GAREM2: variants seen among roughly 807,000 people sequenced by gnomAD.
The protein encoded by GAREM2 is GRB2 associated regulator of MAPK1 subtype 2.
A neutral mutation model predicts 55.6 loss-of-function variants in GAREM2; 30 were observed. That is an observed-to-expected ratio of 0.54 (90% CI 0.40 to 0.73). The LOEUF is 0.73. Ranked by LOEUF, GAREM2 falls within the 30% of genes least tolerant of loss-of-function variation. GAREM2 has a pLI of 0.00. For synonymous variants in GAREM2, 550 were observed against 569.1 expected, an observed-to-expected ratio of 0.97 and a Z score of 0.48; for missense variants, 1,075 against 1,257.7, an observed-to-expected ratio of 0.85 and a Z score of 2.20.
Position 26,187,260 on chromosome 2 carries a change from C to T in GAREM2, c.1628C>T (p.Pro543Leu). The T allele has an allele frequency of 3.4e-6, 5 of 1,454,278 alleles. No individual in the cohort carries two copies. The highest frequency in any genetic ancestry group is 1.5e-5 in the South Asian group (1 of 68,316). 90.1% of individuals were successfully genotyped at this position (1,454,278 alleles called of 1,614,324 possible). A position where few individuals can be genotyped will look rare whatever the true frequency, so the allele number is the denominator to read the frequency against. The change falls in exon 6 of 6, where the codon CCA becomes CTA. Residue 543 changes from proline (P) to leucine (L), a missense_variant. Physicochemically the swap from Pro to Leu is moderately conservative, Grantham distance 98 (BLOSUM62 -3). Transcript: ENST00000401533. Reference protein sequence around the residue: ...GAGSRSGSGSPSPDTYSLYCY... With the variant: ...GAGSRSGSGSLSPDTYSLYCY... ...GGTTCCCGCAGTGGCAGTGGCTCCC[C>T]ATCGCCGGACACCTACTCCCTCTAT...
At chr2:26,186,123 G>A in intron 4 of GAREM2, 66 bp from the exon 5 acceptor site, 1 of 1,414,184 alleles carries the variant, frequency 7.1e-7, no homozygotes, top group Non-Finnish European at 9.4e-7. Flanking sequence ...CAGCTGCTTG[G>A]GAAGGGGAAG....
rs1669247619 is a variant in GAREM2 at position 26,186,217 on chromosome 2, C to A, written c.1457C>A (p.Ala486Asp). 1 of 1,537,210 alleles carries A rather than the reference C, an allele frequency of 6.5e-7. No homozygotes were observed. The highest frequency in any genetic ancestry group is 2.5e-5 in the East Asian group (1 of 40,610). The change falls in exon 5 of 6, where the codon GCC becomes GAC. Residue 486 changes from alanine to aspartate, a missense_variant. By Grantham distance (126) the Ala-to-Asp change is moderately radical (BLOSUM62 -2). Coordinates refer to ENST00000401533, the MANE Select transcript of GAREM2 (RefSeq NM_001168241.2). ...AAGGAGGAGTGCCGCCTGCTCAATGCCCCTCCAGTGCCTCCCCGGGGTGGC... is the reference window on the plus strand; with the variant it reads ...AAGGAGGAGTGCCGCCTGCTCAATGACCCTCCAGTGCCTCCCCGGGGTGGC... ...AVKEECRLLN[A>D]PPVPPRGGNG... is the part of the protein sequence containing the mutation.
intron 1 of GAREM2, among the ~76,000 whole-genome samples, chr2:26,174,037 G>A (rs1471005298): frequency 6.6e-6 from 1 of 152,242 alleles, no homozygotes; most frequent in East Asian, 1.9e-4. Context: ...GACCGTTTGG[G>A]GGGAGGGGGG....
At chr2:26,195,595 T>TA in the GAREM2 span, among the ~76,000 whole-genome samples, 1 of 50,660 alleles carries the variant, frequency 2.0e-5, no homozygotes, top group Non-Finnish European at 4.3e-5. Flanking sequence ...CCAGTTTTTT[T>TA]GGGCGGGGGT....
chr2:26,191,624 A>C (rs1669507749), downstream of GAREM2: 1 of 1,613,992 alleles, frequency 6.2e-7, no homozygotes, highest in Non-Finnish European at 8.5e-7. Flanking sequence ...TCTTCGTCTG[A>C]TGAGCTGCCA....
At chr2:26,183,315 G>A (rs184203038) in intron 3 of GAREM2, among the ~76,000 whole-genome samples, 1 of 152,360 alleles carries the variant, frequency 6.6e-6, no homozygotes, top group African/African-American at 2.4e-5. Context: ...AAGCAGGAGC[G>A]GGTGTCTGGA....
rs1400144493 is a variant in GAREM2 at position 26,188,380 on chromosome 2, C to T, written c.*123C>T. ...CGAGACTGAGGCTGCTCAGCAGCCA[C>T]TGGGTGGATCCAGGGGAGATGCATG... is the stretch of plus-strand genomic sequence containing the variant. On this transcript the variant is annotated 3_prime_UTR_variant, in exon 6 of 6. Transcript: ENST00000401533. 5 of 720,066 alleles carry T rather than the reference C, an allele frequency of 6.9e-6. No individual in the cohort carries two copies. In the Admixed American group the frequency reaches 1.4e-4, roughly 20 times the overall value. 44.6% of individuals were successfully genotyped at this position (720,066 alleles called of 1,614,324 possible).
chr2:26,173,542 C>G (rs1668766871), intron 1 of GAREM2, among the ~76,000 whole-genome samples: 1 of 151,930 alleles, frequency 6.6e-6, no homozygotes, highest in Non-Finnish European at 1.5e-5. Flanking sequence ...AGCACAGGCA[C>G]AGACACCGGG....
chr2:26,179,133 C>A lies in GAREM2; in HGVS notation c.253+2649C>A, dbSNP rs1668962144. Among the ~76,000 whole-genome samples, 1 of 152,164 alleles carries A rather than the reference C, an allele frequency of 6.6e-6. No homozygotes were observed. Among genetic ancestry groups the A allele is most frequent in the African/African-American group, 2.4e-5 (1 of 41,436 alleles). On this transcript the variant is annotated intron_variant, in intron 2 of 5. Transcript: ENST00000401533. The surrounding 1 kb of genome is among the most constrained non-coding windows in gnomAD (Gnocchi z 4.7). ...ACTGCGGGGTGACTCGGTCTCCAGGCTGCGGCGCTCTGCTCCGGGAGTCAG... is the reference window on the plus strand; with the variant it reads ...ACTGCGGGGTGACTCGGTCTCCAGGATGCGGCGCTCTGCTCCGGGAGTCAG...
the GAREM2 span, chr2:26,197,843 A>AGC: frequency 3.7e-6 from 3 of 821,672 alleles, no homozygotes; most frequent in Non-Finnish European, 6.6e-6. Flanking sequence ...GCCACATCAA[A>AGC]GCTAATGAGT....
At chr2:26,182,838 T>G (rs901413281) in intron 2 of GAREM2, 129 bp from the exon 3 acceptor site, 1 of 1,174,666 alleles carries the variant, frequency 8.5e-7, no homozygotes, top group Non-Finnish European at 1.2e-6. Context: ...AACCTGCCCT[T>G]TGGCCCTCCT....
chr2:26,195,194 C>T, the GAREM2 span: 4 of 1,612,424 alleles, frequency 2.5e-6, no homozygotes, highest in South Asian at 4.4e-5. Context: ...CCAGCAGCTG[C>T]ATCTTGTCCA....
intron 1 of GAREM2, among the ~76,000 whole-genome samples, chr2:26,175,075 C>CCA (rs113787363): frequency 0.024 from 3,536 of 150,254 alleles, 107 homozygotes; most frequent in South Asian, 0.12. Flanking sequence ...CGCCACCCTG[C>CCA]CACACACACA....
downstream of GAREM2, chr2:26,192,426 TA>T: frequency 6.8e-7 from 1 of 1,460,512 alleles, no homozygotes; most frequent in Non-Finnish European, 9.6e-7. Flanking sequence ...ATTTACGACC[TA>T]AAACAGGCAA....
chr2:26,185,214 G>A lies in GAREM2; in HGVS notation c.1366G>A (p.Ala456Thr). The change falls in exon 4 of 6, where the codon GCG becomes ACG. Residue 456 changes from alanine (A) to threonine (T), a missense_variant. This residue lies in a region of GAREM2 where 515 missense variants were observed against 501.5 expected (regional missense o/e 1.03). Coordinates refer to ENST00000401533, the MANE Select transcript of GAREM2 (RefSeq NM_001168241.2). ...PGLDLISFGA[A>T]GPPRREPEAP... ...GCTCGATCTCATCTCCTTCGGGGCC[G>A]CGGGACCGCCGCGTCGGGAGCCGGA... 4 of 1,521,436 alleles carry A rather than the reference G, an allele frequency of 2.6e-6. No homozygotes were observed. Among genetic ancestry groups the A allele is most frequent in the Non-Finnish European group, 3.5e-6 (4 of 1,141,404 alleles). The allele number at this position is 1,521,436 out of a possible 1,614,324, so 94.2% of individuals were successfully genotyped here. A position where few individuals can be genotyped will look rare whatever the true frequency, so the allele number is the denominator to read the frequency against.
At chr2:26,185,412 A>G (rs1669218380) in intron 4 of GAREM2, 136 bp downstream of exon 4, 2 of 1,324,262 alleles carry the variant, frequency 1.5e-6, no homozygotes, top group Admixed American at 3.4e-5. Context: ...AGGAAAGGGC[A>G]GAGGCATGCC....
intron 2 of GAREM2, chr2:26,182,342 T>C (rs188840113): frequency 2.0e-6 from 3 of 1,499,916 alleles, no homozygotes; most frequent in East Asian, 2.5e-5. Context: ...GAGAGTAGGA[T>C]TGGATATTGG....
chr2:26,193,547 T>A, downstream of GAREM2: 1 of 1,534,882 alleles, frequency 6.5e-7, no homozygotes, highest in South Asian at 1.1e-5. Context: ...TAACTAATGG[T>A]GCTAGTTATG....
At chr2:26,197,708 T>G in the GAREM2 span, 4 of 1,499,562 alleles carry the variant, frequency 2.7e-6, no homozygotes, top group Non-Finnish European at 3.7e-6. Context: ...GGTCTTTTGC[T>G]GACAGCAGCG....
Sources: allele counts gnomAD v4.1 joint callset (sites outside exome capture counted in the v4.1 genomes callset), GRCh38; gene constraint gnomAD v4.1.1; regional missense constraint gnomAD v4.1.1; non-coding constraint Gnocchi (gnomAD v3.1); transcripts MANE v1.5; gene names NCBI Gene and HGNC (gene_info 2026-07-23, HGNC 2026-07-21).